The following LARS1 variants were observed in gnomAD, a reference collection of about 807,000 sequenced individuals.
The protein encoded by LARS1 is leucine--tRNA ligase, cytoplasmic.
Under a neutral mutation model 162.8 loss-of-function variants are expected in LARS1, and 100 were observed. The observed-to-expected ratio is 0.61, with a 90% CI of 0.52 to 0.73. The LOEUF (loss-of-function observed/expected upper bound fraction) is 0.73. Among genes scored for constraint, LARS1 ranks in the 30% least tolerant of loss-of-function variants. The pLI is 0.00. For synonymous variants in LARS1, 457 were observed against 462.8 expected (o/e 0.99, Z 0.16); for missense variants, 1,258 against 1,408.9 (o/e 0.89, Z 1.71).
At chr5:146,125,511 A>T (rs559592026) in intron 28 of LARS1, among the ~76,000 whole-genome samples, 2 of 151,980 alleles carry the variant, frequency 1.3e-5, no homozygotes, top group Non-Finnish European at 2.9e-5. Flanking sequence ...TACTGAGCCT[A>T]CTTCTTGACT....
chr5:146,116,575 T>G (rs1365647088), intron 31 of LARS1, among the ~76,000 whole-genome samples: 2 of 152,230 alleles, frequency 1.3e-5, no homozygotes, highest in African/African-American at 2.4e-5. Flanking sequence ...CAGACTTCTC[T>G]TATCATTGAA....
chr5:146,156,118 G>C (rs1753513681), intron 10 of LARS1, among the ~76,000 whole-genome samples: 1 of 152,216 alleles, frequency 6.6e-6, no homozygotes, highest in Non-Finnish European at 1.5e-5. Context: ...CAAAGAGTAT[G>C]TGTGTATTCG....
chr5:146,141,057 G>T lies in LARS1; in HGVS notation c.2091-796C>A, dbSNP rs560835773. On this transcript the variant is annotated intron_variant, in intron 20 of 31. Coordinates refer to ENST00000394434, the MANE Select transcript of LARS1 (RefSeq NM_020117.11). ...TTTTGGGAAATAGAGTAGTGTGCAG[G>T]CAAGGATGAAAGTTCACTTTTAACT... Among the ~76,000 whole-genome samples, 3 of 152,238 alleles carry T rather than the reference G, an allele frequency of 2.0e-5. No homozygotes were observed. In the East Asian group the frequency reaches 5.8e-4, roughly 29 times the overall value.
chr5:146,132,821 A>C lies in LARS1; in HGVS notation c.2396+77T>G, dbSNP rs1752342739. On this transcript the variant is annotated intron_variant, in intron 23 of 31. Transcript: ENST00000394434. The stretch of plus-strand genomic sequence containing the variant: ...TATTTTATTAAAAAAAAAAAAGAAA[A>C]GAAAAGAAAAAGAAAACAAAAATGC... 9 of 1,098,878 alleles carry C rather than the reference A, an allele frequency of 8.2e-6. No homozygotes were observed. The African/African-American group carries it at 9.4e-5, about 11-fold the overall frequency. The allele number at this position is 1,098,878 out of a possible 1,614,324, so 68.1% of individuals were successfully genotyped here.
rs566637388 is a variant in LARS1, at chr5:146,122,005, CA to C, written c.3192+486del. Among the ~76,000 whole-genome samples the C allele has an allele frequency of 2.4e-3, 371 of 152,074 alleles. 4 individuals carry two copies. The highest frequency in any genetic ancestry group is 8.6e-3 in the African/African-American group (358 of 41,490). ...ACAAACAAACAAAAAACAGAATATC[CA>C]AAACCTTTTTGTCTTCACCAATAAC... is the stretch of plus-strand genomic sequence containing the variant. On this transcript the variant is annotated intron_variant, in intron 30 of 31. Coordinates refer to ENST00000394434, the MANE Select transcript of LARS1 (RefSeq NM_020117.11).
intron 7 of LARS1, among the ~76,000 whole-genome samples, chr5:146,159,847 A>AG (rs1753699386): frequency 6.6e-6 from 1 of 152,110 alleles, no homozygotes; most frequent in African/African-American, 2.4e-5. Flanking sequence ...TACATAATCA[A>AG]GGAAGAATCT....
At chr5:146,117,617 G>A (rs1476748420) in intron 31 of LARS1, among the ~76,000 whole-genome samples, 1 of 152,090 alleles carries the variant, frequency 6.6e-6, no homozygotes, top group East Asian at 1.9e-4. Context: ...CTCAAAATAA[G>A]TAAATAAATA....
intron 15 of LARS1, among the ~76,000 whole-genome samples, chr5:146,149,340 G>A (rs909279524): frequency 3.9e-5 from 6 of 152,082 alleles, no homozygotes; most frequent in African/African-American, 1.4e-4. Flanking sequence ...CAGAAAGAAA[G>A]GATTGTAACT....
intron 2 of LARS1, among the ~76,000 whole-genome samples, chr5:146,174,989 G>A (rs1042773715): frequency 1.3e-5 from 2 of 152,178 alleles, no homozygotes; most frequent in Non-Finnish European, 2.9e-5. Flanking sequence ...GGAGGCCGGG[G>A]TGGGCAGATC....
chr5:146,162,876 C>T (rs1044629094), intron 6 of LARS1, among the ~76,000 whole-genome samples: 2 of 152,246 alleles, frequency 1.3e-5, no homozygotes, highest in African/African-American at 4.8e-5. Flanking sequence ...GTTGCAATGG[C>T]GCAGCCTCAG....
intron 1 of LARS1, among the ~76,000 whole-genome samples, chr5:146,178,014 C>T (rs530773191): frequency 3.9e-5 from 6 of 152,078 alleles, no homozygotes; most frequent in Admixed American, 3.3e-4. Flanking sequence ...AGGAGAATCG[C>T]TTGAACCAGG....
intron 6 of LARS1, among the ~76,000 whole-genome samples, chr5:146,162,529 A>T (rs1753820482): frequency 6.6e-6 from 1 of 152,114 alleles, no homozygotes; most frequent in Admixed American, 6.6e-5. Context: ...CCATTTACAG[A>T]GCATAGAGTA....
intron 6 of LARS1, among the ~76,000 whole-genome samples, chr5:146,162,900 C>T (rs1490862248): frequency 3.9e-5 from 6 of 152,224 alleles, no homozygotes; most frequent in African/African-American, 1.4e-4. Flanking sequence ...ACTGCAACCT[C>T]CTGGGTTCAA....
chr5:146,182,624 G>A lies in LARS1; in HGVS notation c.-131C>T. The A allele has an allele frequency of 1.6e-6, 2 of 1,225,256 alleles. No homozygotes were observed. Among genetic ancestry groups the A allele is most frequent in the African/African-American group, 3.0e-5 (2 of 67,032 alleles). 75.9% of individuals were successfully genotyped at this position (1,225,256 alleles called of 1,614,324 possible). A position where few individuals can be genotyped will look rare whatever the true frequency, so the allele number is the denominator to read the frequency against. ...AAACTAAAGCACACGCTTCACACCT[G>A]CTGAGGCAATCATCCGGCTCCTTAC... On this transcript the variant is annotated 5_prime_UTR_variant, in exon 1 of 32. Transcript: ENST00000394434.
chr5:146,130,582 G>C (rs967002764), intron 24 of LARS1: 2 of 177,272 alleles, frequency 1.1e-5, no homozygotes, highest in Admixed American at 6.3e-5. Flanking sequence ...ATTTTACACA[G>C]CTCATTGCGT....
At chr5:146,153,614 A>T in intron 12 of LARS1, 120 bp downstream of exon 12, 1 of 702,436 alleles carries the variant, frequency 1.4e-6, no homozygotes, top group Non-Finnish European at 2.5e-6. Context: ...GAAACAAGTT[A>T]GAGATAGCAG....
chr5:146,168,179 G>A lies in LARS1; in HGVS notation c.381C>T (p.Thr127=), dbSNP rs199737050. 1.9e-6 allele frequency: 3 copies of A among 1,611,248 alleles called. No homozygotes were observed. The highest frequency in any genetic ancestry group is 3.3e-5 in the Admixed American group (2 of 59,988). ...TTATTATATCTTCTGTTTTAACACT[G>A]GTTTCTTCCTCTTCCTCTTCTTCAT... is the stretch of plus-strand genomic sequence containing the variant. ...FPDEEEEEEE[T]SVKTEDIIIK... is the part of the protein sequence containing the mutation. The change falls in exon 5 of 32, where the codon ACC becomes ACT. Residue 127 remains threonine (T), a synonymous_variant. Transcript: ENST00000394434.
At chr5:146,152,735 A>G (rs1195851476) in intron 13 of LARS1, among the ~76,000 whole-genome samples, 1 of 152,264 alleles carries the variant, frequency 6.6e-6, no homozygotes, top group Non-Finnish European at 1.5e-5. Context: ...CTTTCATGAA[A>G]TGAAAATCAT....
intron 30 of LARS1, among the ~76,000 whole-genome samples, chr5:146,121,129 G>A (rs554133653): frequency 6.6e-6 from 1 of 152,152 alleles, no homozygotes; most frequent in South Asian, 2.1e-4. Flanking sequence ...TATCTCCATG[G>A]CTCAAATGAC....
Sources: gnomAD v4.1 joint callset for allele counts (sites outside exome capture counted in the v4.1 genomes callset) on GRCh38, gnomAD v4.1.1 for gene constraint, MANE v1.5 for transcripts, NCBI Gene and HGNC (gene_info 2026-07-23, HGNC 2026-07-21) for gene names.